The following APOC1 variants were observed in gnomAD, a reference collection of about 807,000 sequenced individuals.
APOC1 encodes apolipoprotein C1, also known as apolipoprotein C-I.
APOC1 carries 4 observed loss-of-function variants against 6.7 expected under a neutral mutation model. That is an observed-to-expected ratio of 0.60 (90% CI 0.29 to 1.37). The LOEUF is 1.37. APOC1 is among the 40% of genes most tolerant of loss of function. APOC1 has a pLI of 0.09. For missense variants in APOC1, 122 were observed against 99.4 expected, an observed-to-expected ratio of 1.23 and a Z score of -0.97; for synonymous variants, 33 against 40.6, an observed-to-expected ratio of 0.81 and a Z score of 0.72.
chr19:44,917,161 G>T (rs903467332), intron 3 of APOC1, among the ~76,000 whole-genome samples: 3 of 152,140 alleles, frequency 2.0e-5, no homozygotes, highest in African/African-American at 7.2e-5. Flanking sequence ...GGCCTACAGG[G>T]TGTCTGGTAC....
chr19:44,915,619 A>G (rs997073990), intron 2 of APOC1, among the ~76,000 whole-genome samples: 3 of 149,066 alleles, frequency 2.0e-5, no homozygotes, highest in Non-Finnish European at 4.5e-5. Flanking sequence ...TTCTAACCAC[A>G]TGATCCCCAA....
intron 2 of APOC1, 67 bp downstream of exon 2, chr19:44,915,016 G>T (rs1969978579): frequency 8.0e-6 from 12 of 1,500,976 alleles, no homozygotes; most frequent in Non-Finnish European, 1.1e-5. Flanking sequence ...ACAGGCCTGG[G>T]GTCCCGGCTT....
intron 3 of APOC1, among the ~76,000 whole-genome samples, chr19:44,918,161 G>C (rs557139128): frequency 1.6e-4 from 24 of 149,946 alleles, no homozygotes; most frequent in South Asian, 1.3e-3. Context: ...CCAGCTACTC[G>C]GGAGGCTGAG....
Position 44,916,219 on chromosome 19 carries a change from G to A in APOC1, c.88G>A (p.Val30Ile), listed in dbSNP as rs72654455. 332 of 1,598,556 alleles carry A rather than the reference G, an allele frequency of 2.1e-4. No homozygotes were observed. Among genetic ancestry groups the A allele is most frequent in the Middle Eastern group, 1.7e-3 (10 of 5,972 alleles). The change falls in exon 3 of 4, where the codon GTC becomes ATC. Residue 30 changes from valine (V) to isoleucine (I), a missense_variant. Coordinates refer to ENST00000592535, the MANE Select transcript of APOC1 (RefSeq NM_001645.5). Reference protein sequence around the residue: ...GPAPAQGTPDVSSALDKLKEF... With the variant: ...GPAPAQGTPDISSALDKLKEF... ...AGCCCCAGCCCAGGGGACCCCAGAC[G>A]TCTCCAGTGCCTTGGATAAGCTGAA...
intron 3 of APOC1, 126 bp from the exon 4 acceptor site, chr19:44,919,047 A>C: frequency 1.1e-6 from 1 of 872,314 alleles, no homozygotes; most frequent in African/African-American, 1.7e-5. Context: ...CGGTCCTCCT[A>C]ATCCCACAGA....
rs1970004996 is a variant in APOC1, at chr19:44,916,224, C to T, written c.93C>T (p.Ser31=). The change falls in exon 3 of 4, where the codon TCC becomes TCT. Residue 31 remains serine, a synonymous_variant. Coordinates refer to ENST00000592535, the MANE Select transcript of APOC1 (RefSeq NM_001645.5). ...PAPAQGTPDV[S]SALDKLKEFG... ...CAGCCCAGGGGACCCCAGACGTCTC[C>T]AGTGCCTTGGATAAGCTGAAGGAGT... 3 of 1,613,252 alleles carry T rather than the reference C, an allele frequency of 1.9e-6. No homozygotes were observed. The highest frequency in any genetic ancestry group is 1.7e-4 in the Middle Eastern group (1 of 6,050).
intron 2 of APOC1, chr19:44,915,197 C>T (rs1969982321): frequency 3.6e-6 from 2 of 554,074 alleles, no homozygotes; most frequent in Non-Finnish European, 3.2e-6. Flanking sequence ...GGCTGTCCTG[C>T]TTCGACAGCC....
Position 44,914,873 on chromosome 19 carries a change from G to T in APOC1, c.-19G>T, listed in dbSNP as rs373338376. The T allele has an allele frequency of 2.5e-6, 4 of 1,613,520 alleles. No homozygotes were observed. Among genetic ancestry groups the T allele is most frequent in the Non-Finnish European group, 3.4e-6 (4 of 1,179,838 alleles). ...CTGAACCCCTGCCTCTGCCTCCAGA[G>T]TGCCCCTCCGGCCTCGCCATGAGGC... is the stretch of plus-strand genomic sequence containing the variant. On this transcript the variant is annotated splice_region_variant and 5_prime_UTR_variant, in exon 2 of 4. Coordinates refer to ENST00000592535, the MANE Select transcript of APOC1 (RefSeq NM_001645.5).
chr19:44,916,552 T>A, intron 3 of APOC1: 1 of 597,852 alleles, frequency 1.7e-6, no homozygotes, highest in Non-Finnish European at 2.8e-6. Flanking sequence ...GCACGGTGGC[T>A]CATGCTTGCA....
chr19:44,918,320 G>A (rs184431630), intron 3 of APOC1, among the ~76,000 whole-genome samples: 37 of 150,180 alleles, frequency 2.5e-4, no homozygotes, highest in African/African-American at 8.7e-4. Flanking sequence ...TGAAAGCCAG[G>A]CCAGGGTGAA....
At chr19:44,918,998 T>C in intron 3 of APOC1, 175 bp from the exon 4 acceptor site, 6 of 678,704 alleles carry the variant, frequency 8.8e-6, no homozygotes, top group South Asian at 7.1e-5. Flanking sequence ...TTGGTCCATC[T>C]GGGAAACTGA....
chr19:44,916,137 CAAAAAAA>C (rs376127005), intron 2 of APOC1, 46 bp from the exon 3 acceptor site: 134 of 900,492 alleles, frequency 1.5e-4, no homozygotes, highest in Non-Finnish European at 1.7e-4. Flanking sequence ...ACTCCATCTC[CAAAAAAA>C]AAAAAAAAAA....
rs1218284163 is a variant in APOC1 at position 44,919,255 on chromosome 19, A to AG, written c.*29dup. 3 of 1,610,552 alleles carry AG rather than the reference A, an allele frequency of 1.9e-6. No homozygotes were observed. Among genetic ancestry groups the AG allele is most frequent in the African/African-American group, 2.7e-5 (2 of 74,850 alleles). On this transcript the variant is annotated 3_prime_UTR_variant, in exon 4 of 4. Coordinates refer to ENST00000592535, the MANE Select transcript of APOC1 (RefSeq NM_001645.5). ...AGGACCTGAAGGGTGACATCCCAGG[A>AG]GGGGCCTCTGAAATTTCCCACACCC...
At chr19:44,915,792 C>T (rs1969993476) in intron 2 of APOC1, among the ~76,000 whole-genome samples, 2 of 151,868 alleles carry the variant, frequency 1.3e-5, no homozygotes, top group Admixed American at 1.3e-4. Context: ...CATGGTGAAA[C>T]TTCGTCTCTA....
chr19:44,919,000 G>A (rs1970056066), intron 3 of APOC1, 173 bp from the exon 4 acceptor site: 8 of 680,010 alleles, frequency 1.2e-5, no homozygotes, highest in South Asian at 7.1e-5. Context: ...GGTCCATCTG[G>A]GAAACTGAGG....
intron 2 of APOC1, 84 bp downstream of exon 2, chr19:44,915,033 C>T: frequency 7.0e-7 from 1 of 1,420,486 alleles, no homozygotes; most frequent in Non-Finnish European, 9.8e-7. Context: ...GCTTAGAGGA[C>T]CTCTGAGAGC....
At chr19:44,915,662 G>A (rs1020878770) in intron 2 of APOC1, among the ~76,000 whole-genome samples, 1 of 151,086 alleles carries the variant, frequency 6.6e-6, no homozygotes, top group Admixed American at 6.6e-5. Flanking sequence ...CCCAACCTAA[G>A]GGGGTTCCAA....
At chr19:44,915,996 G>C (rs1969996549) in intron 2 of APOC1, among the ~76,000 whole-genome samples, 194 bp from the exon 3 acceptor site, 1 of 151,440 alleles carries the variant, frequency 6.6e-6, no homozygotes, top group Admixed American at 6.6e-5. Context: ...AAATAGCTGG[G>C]TGTGGTGGTG....
chr19:44,915,603 T>TC (rs1969990421), intron 2 of APOC1, among the ~76,000 whole-genome samples: 1 of 149,216 alleles, frequency 6.7e-6, no homozygotes, highest in African/African-American at 2.5e-5. Context: ...CGGCCATTCC[T>TC]CCCCATTCTA....
Sources: gnomAD v4.1 joint callset for allele counts (sites outside exome capture counted in the v4.1 genomes callset) on GRCh38, gnomAD v4.1.1 for gene constraint, MANE v1.5 for transcripts, NCBI Gene and HGNC (gene_info 2026-07-23, HGNC 2026-07-21) for gene names.